SCHIP1: variants seen among roughly 807,000 people sequenced by gnomAD.
SCHIP1 encodes schwannomin interacting protein 1.
In SCHIP1, 8 loss-of-function variants were observed where a neutral mutation model predicts 29.7. The observed-to-expected ratio is 0.27, with a 90% CI of 0.16 to 0.49. SCHIP1 has a LOEUF of 0.49. Among genes scored for constraint, SCHIP1 ranks in the 20% least tolerant of loss-of-function variants. The pLI is 0.99. For missense variants in SCHIP1, 193 were observed against 294.6 expected (o/e 0.66, Z 2.52); for synonymous variants, 76 against 94.9 (o/e 0.80, Z 1.16).
At chr3:159,723,104 A>C in the SCHIP1 span, among the ~76,000 whole-genome samples, 3 of 152,176 alleles carry the variant, frequency 2.0e-5, no homozygotes, top group Non-Finnish European at 4.4e-5. Flanking sequence ...GAACCTAATT[A>C]TTAATAGCTC....
the SCHIP1 span, among the ~76,000 whole-genome samples, chr3:159,278,871 G>A: frequency 6.6e-6 from 1 of 152,140 alleles, no homozygotes; most frequent in Non-Finnish European, 1.5e-5. Flanking sequence ...GCAATACAGT[G>A]GGGTGACCCT....
At chr3:159,490,140 G>T in the SCHIP1 span, among the ~76,000 whole-genome samples, 1 of 152,164 alleles carries the variant, frequency 6.6e-6, no homozygotes, top group Non-Finnish European at 1.5e-5. Context: ...TAAAGTACAT[G>T]TGAGTAGTTT....
chr3:159,839,648 T>G, upstream of SCHIP1, among the ~76,000 whole-genome samples: 1 of 139,942 alleles, frequency 7.1e-6, no homozygotes, highest in African/African-American at 2.7e-5. Flanking sequence ...TTTTTTTTTT[T>G]TTTTTTTTTT....
intron 1 of SCHIP1, among the ~76,000 whole-genome samples, chr3:159,847,529 T>TA: frequency 6.6e-6 from 1 of 152,192 alleles, no homozygotes; most frequent in Middle Eastern, 3.4e-3. Context: ...ACAATCAGTG[T>TA]AGGAAAGCCA....
At chr3:159,461,686 G>A in the SCHIP1 span, among the ~76,000 whole-genome samples, 16 of 150,954 alleles carry the variant, frequency 1.1e-4, no homozygotes, top group East Asian at 3.0e-3. Flanking sequence ...AGCAGTTCTC[G>A]GTATACCAAA....
the SCHIP1 span, among the ~76,000 whole-genome samples, chr3:159,464,326 C>G: frequency 6.6e-6 from 1 of 152,156 alleles, no homozygotes; most frequent in African/African-American, 2.4e-5. Context: ...CTGGTGAGCT[C>G]TTGGCCAACA....
At chr3:159,488,978 T>C in the SCHIP1 span, among the ~76,000 whole-genome samples, 6 of 152,210 alleles carry the variant, frequency 3.9e-5, no homozygotes, top group African/African-American at 1.4e-4. Context: ...TAGGGTCTTT[T>C]TTTAGTACAT....
At chr3:159,339,307 A>G in the SCHIP1 span, among the ~76,000 whole-genome samples, 49 of 151,744 alleles carry the variant, frequency 3.2e-4, no homozygotes, top group African/African-American at 1.1e-3. Flanking sequence ...CAGCACTGTG[A>G]TGCTTGGTCA....
the SCHIP1 span, among the ~76,000 whole-genome samples, chr3:159,318,830 C>T: frequency 1.3e-5 from 2 of 152,146 alleles, no homozygotes; most frequent in South Asian, 2.1e-4. Context: ...TCATAAAGCA[C>T]CCAGTTCATG....
chr3:159,480,323 T>G, the SCHIP1 span, among the ~76,000 whole-genome samples: 1 of 152,130 alleles, frequency 6.6e-6, no homozygotes, highest in Non-Finnish European at 1.5e-5. Context: ...TAGAAACTCC[T>G]CCCTCAGAAG....
the SCHIP1 span, among the ~76,000 whole-genome samples, chr3:159,539,048 TG>T: frequency 1.3e-5 from 2 of 152,072 alleles, no homozygotes; most frequent in African/African-American, 4.8e-5. Context: ...TCCCTACAAA[TG>T]GCTAATAGTA....
the SCHIP1 span, among the ~76,000 whole-genome samples, chr3:159,713,795 G>A: frequency 6.6e-6 from 1 of 152,264 alleles, no homozygotes; most frequent in Non-Finnish European, 1.5e-5. Context: ...CTCCAAAATG[G>A]ATAGCTCATA....
the SCHIP1 span, among the ~76,000 whole-genome samples, chr3:159,489,864 C>G: frequency 1.3e-3 from 202 of 151,856 alleles, no homozygotes; most frequent in South Asian, 0.024. Flanking sequence ...GGTCTGGTGT[C>G]TTTTATATTA....
At chr3:159,865,399 A>G (rs1224882854) in intron 1 of SCHIP1, among the ~76,000 whole-genome samples, 1 of 152,236 alleles carries the variant, frequency 6.6e-6, no homozygotes, top group Non-Finnish European at 1.5e-5. Flanking sequence ...GAAGCCAAGC[A>G]TTGTAAACAT....
chr3:159,665,212 C>T, the SCHIP1 span, among the ~76,000 whole-genome samples: 29 of 152,296 alleles, frequency 1.9e-4, no homozygotes, highest in East Asian at 9.6e-4. Flanking sequence ...TAATCTGTAA[C>T]GCGATTGGGA....
chr3:159,527,317 T>C, the SCHIP1 span, among the ~76,000 whole-genome samples: 291 of 152,312 alleles, frequency 1.9e-3, 1 homozygote, highest in African/African-American at 6.7e-3. Context: ...CCAAGGAGAA[T>C]GGAAAAACAG....
At chr3:159,458,268 C>T in the SCHIP1 span, among the ~76,000 whole-genome samples, 10 of 152,312 alleles carry the variant, frequency 6.6e-5, no homozygotes, top group East Asian at 1.9e-4. Flanking sequence ...CAGGTGACCA[C>T]GCCTGCCTAA....
chr3:159,549,755 C>T, the SCHIP1 span, among the ~76,000 whole-genome samples: 1 of 152,088 alleles, frequency 6.6e-6, no homozygotes, highest in Non-Finnish European at 1.5e-5. Context: ...CCTGATTTGG[C>T]CTATTCTCAG....
chr3:159,473,412 T>C, the SCHIP1 span, among the ~76,000 whole-genome samples: 33 of 151,994 alleles, frequency 2.2e-4, no homozygotes, highest in Non-Finnish European at 3.4e-4. Flanking sequence ...AAAGTTACCC[T>C]AGAGGATATG....
Sources: gnomAD v4.1 joint callset for allele counts (sites outside exome capture counted in the v4.1 genomes callset) on GRCh38, gnomAD v4.1.1 for gene constraint, MANE v1.5 for transcripts, NCBI Gene and HGNC (gene_info 2026-07-23, HGNC 2026-07-21) for gene names.